TPM3: variants seen among roughly 807,000 people sequenced by gnomAD.
TPM3 encodes the protein tropomyosin 3.
Under a neutral mutation model 43.1 loss-of-function variants are expected in TPM3, and 16 were observed. The observed-to-expected ratio is 0.37, with a 90% CI of 0.25 to 0.56. TPM3 has a LOEUF of 0.56. Ranked by LOEUF, TPM3 falls within the 20% of genes least tolerant of loss-of-function variation. The pLI, the probability that TPM3 is intolerant of heterozygous loss-of-function variation, is 0.77. For synonymous variants in TPM3, 101 were observed against 116.9 expected, an observed-to-expected ratio of 0.86 and a Z score of 0.88; for missense variants, 176 against 337.2, an observed-to-expected ratio of 0.52 and a Z score of 3.74.
chr1:154,182,927 A>C (rs1040779747), intron 2 of TPM3: 1 of 1,606,518 alleles, frequency 6.2e-7, no homozygotes, highest in Non-Finnish European at 8.5e-7. Flanking sequence ...AAGGGACCTT[A>C]TTCCGCTTGC....
chr1:154,172,107 G>A lies in TPM3; in HGVS notation c.567-619C>T, dbSNP rs372482205. On this transcript the variant is annotated intron_variant, in intron 5 of 9. Transcript: ENST00000651641. ...GCTCATCCATCTCTCGGCAACGGCTGTTAGTGATAGTCACGGGGATGGCAC... is the reference window on the plus strand; with the variant it reads ...GCTCATCCATCTCTCGGCAACGGCTATTAGTGATAGTCACGGGGATGGCAC... 39 of 1,614,036 alleles carry A rather than the reference G, an allele frequency of 2.4e-5. No individual in the cohort carries two copies. The African/African-American group carries it at 4.1e-4, about 17-fold the overall frequency.
chr1:154,169,262 C>T, intron 9 of TPM3, 43 bp downstream of exon 9: 1 of 1,597,574 alleles, frequency 6.3e-7, no homozygotes, highest in Non-Finnish European at 8.6e-7. Context: ...CCCATCCACC[C>T]ACAAGCCAAG....
Position 154,176,227 on chromosome 1 carries a change from A to C in TPM3, c.265T>G (p.Leu89Val), listed in dbSNP as rs1216671282. Reference sequence around the variant, plus strand: ...TCAACCAGCTGGATCCTACGGTTCAAGGAGGCCACCTCAGCCTCAGCCTGC... The same window carrying C: ...TCAACCAGCTGGATCCTACGGTTCACGGAGGCCACCTCAGCCTCAGCCTGC... ...AADAEAEVAS[L>V]NRRIQLVEEE... Residue 89 changes from leucine (L) to valine (V), a missense_variant, in exon 3 of 10, where the codon TTG becomes GTG. Around this residue, in one of 4 missense-constraint regions of TPM3, gnomAD observed 82 missense variants for 148.8 expected, o/e 0.55. Transcript: ENST00000651641. The C allele has an allele frequency of 1.2e-6, 2 of 1,614,024 alleles. No individual in the cohort carries two copies. The highest frequency in any genetic ancestry group is 2.7e-5 in the African/African-American group (2 of 74,912).
rs907055139 is a variant in TPM3, at chr1:154,176,150, C to T, written c.342G>A (p.Leu114=). The change falls in exon 3 of 10, where the codon CTG becomes CTA. Residue 114 remains leucine, a synonymous_variant. Transcript: ENST00000651641. ...QERLATALQK[L]EEAEKAADES... Reference sequence around the variant, plus strand: ...CATCAGCAGCTTTTTCAGCTTCTTCCAGCTTTTGCAGGGCAGTGGCCAGGC... The same window carrying T: ...CATCAGCAGCTTTTTCAGCTTCTTCTAGCTTTTGCAGGGCAGTGGCCAGGC... The T allele has an allele frequency of 1.2e-6, 2 of 1,614,118 alleles. No individual in the cohort carries two copies. Among genetic ancestry groups the T allele is most frequent in the East Asian group, 2.2e-5 (1 of 44,888 alleles).
downstream of TPM3, chr1:154,156,981 G>A: frequency 5.0e-6 from 1 of 198,040 alleles, no homozygotes; most frequent in Admixed American, 6.1e-5. Flanking sequence ...TCTTAATTTG[G>A]TAACTTCTAA....
downstream of TPM3, among the ~76,000 whole-genome samples, chr1:154,159,305 G>A (rs1463191861): frequency 1.3e-5 from 2 of 152,088 alleles, no homozygotes; most frequent in Non-Finnish European, 2.9e-5. Flanking sequence ...CATTTTGAGG[G>A]AGAAAAAATG....
Position 154,163,306 on chromosome 1 carries a change from G to A in TPM3, c.*4631C>T, listed in dbSNP as rs1443711957. On this transcript the variant is annotated 3_prime_UTR_variant, in exon 10 of 10. Transcript: ENST00000651641. ...TGTTTTGAGTGCTTGACTGCCACAT[G>A]TGGCTAATGTACTAGACATCATTAC... 6.6e-6 allele frequency among the ~76,000 whole-genome samples: 1 copy of A among 152,160 alleles called. No homozygotes were observed. The highest frequency in any genetic ancestry group is 1.9e-4 in the East Asian group (1 of 5,202).
At chr1:154,175,097 C>T (rs557519117) in intron 3 of TPM3, among the ~76,000 whole-genome samples, 13 of 151,998 alleles carry the variant, frequency 8.6e-5, no homozygotes, top group South Asian at 4.2e-4. Context: ...ACTGGGAGGC[C>T]GAGGCGGGAG....
intron 2 of TPM3, among the ~76,000 whole-genome samples, chr1:154,178,763 A>C (rs1459859183): frequency 6.6e-6 from 1 of 152,196 alleles, no homozygotes; most frequent in Non-Finnish European, 1.5e-5. Context: ...TTGGTGTTTC[A>C]GCTGACCTAT....
chr1:154,182,841 G>A (rs1229075721), intron 2 of TPM3: 14 of 1,242,440 alleles, frequency 1.1e-5, no homozygotes, highest in Non-Finnish European at 1.6e-5. Context: ...TACTGGTGCT[G>A]AGCCCCACCC....
At chr1:154,176,697 T>C (rs1662369488) in intron 2 of TPM3, among the ~76,000 whole-genome samples, 1 of 150,200 alleles carries the variant, frequency 6.7e-6, no homozygotes, top group Non-Finnish European at 1.5e-5. Context: ...GAGGGTATCC[T>C]GACTGGGTGT....
downstream of TPM3, chr1:154,157,382 A>C (rs1659916837): frequency 1.7e-6 from 1 of 571,800 alleles, no homozygotes; most frequent in South Asian, 2.0e-5. Context: ...CATGCTTTTT[A>C]AAGACATTAT....
chr1:154,162,146 A>C lies in TPM3; in HGVS notation c.*5791T>G, dbSNP rs927229356. ...AGCACTTTGGAAGGCCGAGGCGGGCAGATCACGAGGTCAGGAGTTTGAGAT... is the reference window on the plus strand; with the variant it reads ...AGCACTTTGGAAGGCCGAGGCGGGCCGATCACGAGGTCAGGAGTTTGAGAT... On this transcript the variant is annotated 3_prime_UTR_variant, in exon 10 of 10. Transcript: ENST00000651641. Among the ~76,000 whole-genome samples, 1 of 152,042 alleles carries C rather than the reference A, an allele frequency of 6.6e-6. No individual in the cohort carries two copies. The highest frequency in any genetic ancestry group is 1.5e-5 in the Non-Finnish European group (1 of 67,996).
chr1:154,188,097 C>G (rs1424371562), intron 2 of TPM3, among the ~76,000 whole-genome samples: 3 of 151,486 alleles, frequency 2.0e-5, no homozygotes, highest in African/African-American at 7.4e-5. Context: ...GCTCTGTCAC[C>G]TAGGCTGGAG....
In TPM3 at chr1:154,162,405, G is replaced by A; in HGVS notation, c.*5532C>T. On this transcript the variant is annotated 3_prime_UTR_variant, in exon 10 of 10. Coordinates refer to ENST00000651641, the MANE Select transcript of TPM3 (RefSeq NM_152263.4). ...AAAAAACACAAACCAACCCCATGGA[G>A]TTGGATAGTATTCAACCAACACCAT... 6.7e-6 allele frequency among the ~76,000 whole-genome samples: 1 copy of A among 150,242 alleles called. No homozygotes were observed.
In TPM3 at chr1:154,163,294, T is replaced by C. The variant is rs1169881042; in HGVS notation, c.*4643A>G. ...CCACACTAGCCATGTTTTGAGTGCT[T>C]GACTGCCACATGTGGCTAATGTACT... is the stretch of plus-strand genomic sequence containing the variant. On this transcript the variant is annotated 3_prime_UTR_variant, in exon 10 of 10. Coordinates refer to ENST00000651641, the MANE Select transcript of TPM3 (RefSeq NM_152263.4). Among the ~76,000 whole-genome samples the C allele has an allele frequency of 3.9e-5, 6 of 152,194 alleles. No homozygotes were observed. Among genetic ancestry groups the C allele is most frequent in the Non-Finnish European group, 8.8e-5 (6 of 68,026 alleles).
At chr1:154,174,384 A>ATGTATGTATG (rs1662008508) in intron 3 of TPM3, among the ~76,000 whole-genome samples, 1 of 93,514 alleles carries the variant, frequency 1.1e-5, no homozygotes, top group Non-Finnish European at 2.0e-5. Context: ...ATATATATAT[A>ATGTATGTATG]TATATATATA....
chr1:154,175,972 A>G lies in TPM3; in HGVS notation c.377+143T>C. 4 of 1,379,878 alleles carry G rather than the reference A, an allele frequency of 2.9e-6. No homozygotes were observed. The South Asian group carries it at 4.7e-5, about 16-fold the overall frequency. The allele number at this position is 1,379,878 out of a possible 1,614,324, so 85.5% of individuals were successfully genotyped here. A position where few individuals can be genotyped will look rare whatever the true frequency, so the allele number is the denominator to read the frequency against. On this transcript the variant is annotated intron_variant, in intron 3 of 9. Transcript: ENST00000651641. ...TGGGCTTGAGCCACCCTCCTGCCTC[A>G]GCGTCCCAAAGTGCTGGGATTACAG...
intron 2 of TPM3, among the ~76,000 whole-genome samples, chr1:154,187,594 T>G (rs1344980369): frequency 1.3e-5 from 2 of 151,650 alleles, no homozygotes; most frequent in African/African-American, 4.9e-5. Flanking sequence ...GCTATGTGTG[T>G]GTATGTGTAT....
Sources: allele counts gnomAD v4.1 joint callset (sites outside exome capture counted in the v4.1 genomes callset), GRCh38; gene constraint gnomAD v4.1.1; regional missense constraint gnomAD v4.1.1; transcripts MANE v1.5; gene names NCBI Gene and HGNC (gene_info 2026-07-23, HGNC 2026-07-21).